The following CHODL variants were observed in gnomAD, a reference collection of about 807,000 sequenced individuals.
CHODL encodes transmembrane protein MT75.
In CHODL, 29 loss-of-function variants were observed where a neutral mutation model predicts 34.5. The ratio of observed to expected loss-of-function variants is 0.84; its 90% CI spans 0.63 to 1.15. The LOEUF is 1.15. Among genes scored for constraint, CHODL ranks in the 50% most tolerant of loss-of-function variants. CHODL has a pLI of 0.00. For synonymous variants in CHODL, 125 were observed against 116.1 expected, an observed-to-expected ratio of 1.08 and a Z score of -0.49; for missense variants, 332 against 332.5, an observed-to-expected ratio of 1.00 and a Z score of 0.01.
chr21:18,031,136 A>G (rs3848850), intron 2 of CHODL, among the ~76,000 whole-genome samples: 2,407 of 152,190 alleles, frequency 0.016, 144 homozygotes, highest in East Asian at 0.14. Context: ...TGGTCTGGCA[A>G]TATCTAGGAA....
At chr21:18,254,688 C>T (rs988041476) in intron 1 of CHODL, among the ~76,000 whole-genome samples, 19 of 151,870 alleles carry the variant, frequency 1.3e-4, no homozygotes, top group Non-Finnish European at 2.4e-4. Flanking sequence ...ATATCCTTGA[C>T]ATCAATCTAT....
intron 2 of CHODL, among the ~76,000 whole-genome samples, chr21:18,189,349 C>A (rs964569339): frequency 3.9e-5 from 6 of 152,140 alleles, no homozygotes; most frequent in Non-Finnish European, 7.4e-5. Context: ...TTTAAAAAAT[C>A]ATTTTTTTGA....
intron 2 of CHODL, among the ~76,000 whole-genome samples, chr21:18,130,761 TTCG>T (rs1230959102): frequency 1.3e-5 from 2 of 152,258 alleles, no homozygotes; most frequent in Non-Finnish European, 1.5e-5. Context: ...TTTTCCATTA[TTCG>T]AAATCGATAG....
Position 18,109,229 on chromosome 21 carries a change from T to C in CHODL, c.-45+81258T>C, listed in dbSNP as rs374097272. On this transcript the variant is annotated intron_variant, in intron 2 of 6. Transcript: ENST00000400127. ...CTCAATCTCCTTAATATTTGGGAAT[T>C]GCCCACCTCAAAAGTTATGGTAGAG... Among the ~76,000 whole-genome samples the C allele has an allele frequency of 1.4e-3, 219 of 152,304 alleles. 5 individuals are homozygous for C. Among genetic ancestry groups the C allele is most frequent in the African/African-American group, 4.8e-3 (200 of 41,566 alleles).
At chr21:17,974,781 A>G (rs1035529049) in intron 1 of CHODL, among the ~76,000 whole-genome samples, 4 of 151,740 alleles carry the variant, frequency 2.6e-5, no homozygotes, top group Admixed American at 6.6e-5. Flanking sequence ...TGCAAAACAA[A>G]ACATCTTTAA....
chr21:18,090,675 A>G (rs567311000), intron 2 of CHODL, among the ~76,000 whole-genome samples: 1 of 151,670 alleles, frequency 6.6e-6, no homozygotes, highest in East Asian at 1.9e-4. Flanking sequence ...AAAATAAAAA[A>G]ATGTAGAGTA....
At chr21:18,055,453 A>G (rs1461570265) in intron 2 of CHODL, among the ~76,000 whole-genome samples, 1 of 152,024 alleles carries the variant, frequency 6.6e-6, no homozygotes, top group Non-Finnish European at 1.5e-5. Flanking sequence ...ATCTTCCACT[A>G]CTACAAAAAG....
chr21:18,235,530 A>C (rs2146762365), intron 2 of CHODL, among the ~76,000 whole-genome samples: 1 of 152,232 alleles, frequency 6.6e-6, no homozygotes, highest in South Asian at 2.1e-4. Context: ...TCAGTGAAGT[A>C]ATTCCTGTTA....
chr21:18,164,794 C>T (rs1376875279), intron 2 of CHODL, among the ~76,000 whole-genome samples: 4 of 152,068 alleles, frequency 2.6e-5, no homozygotes, highest in African/African-American at 4.8e-5. Context: ...ACAAAACTGT[C>T]GATTACCCCA....
At chr21:18,196,021 A>C (rs1160566106) in intron 2 of CHODL, among the ~76,000 whole-genome samples, 1 of 152,194 alleles carries the variant, frequency 6.6e-6, no homozygotes, top group Non-Finnish European at 1.5e-5. Context: ...TCATCACCTT[A>C]GTTTCCTCGT....
chr21:18,177,289 G>T (rs1416717370), intron 2 of CHODL, among the ~76,000 whole-genome samples: 1 of 151,962 alleles, frequency 6.6e-6, no homozygotes, highest in Non-Finnish European at 1.5e-5. Flanking sequence ...TAGTAAACAG[G>T]TTGAAAAAGT....
chr21:18,105,176 A>G (rs1490180350), intron 2 of CHODL, among the ~76,000 whole-genome samples: 4 of 152,226 alleles, frequency 2.6e-5, no homozygotes, highest in Non-Finnish European at 5.9e-5. Flanking sequence ...AAGTAGTGAT[A>G]TAAAGAATCA....
At chr21:17,942,254 C>G (rs2063370655) in intron 1 of CHODL, among the ~76,000 whole-genome samples, 1 of 152,186 alleles carries the variant, frequency 6.6e-6, no homozygotes, top group East Asian at 1.9e-4. Context: ...CCACTCAAAT[C>G]TCATCTTGAA....
At chr21:18,156,075 G>A (rs148119369) in intron 2 of CHODL, among the ~76,000 whole-genome samples, 54 of 152,276 alleles carry the variant, frequency 3.5e-4, no homozygotes, top group East Asian at 1.7e-3. Context: ...ATGACCTGAC[G>A]TATTTCTTTT....
At position 18,154,937 on chromosome 21, in the gene CHODL, G is replaced by A. The variant is rs899269919; in HGVS notation, c.-44-101572G>A. Among the ~76,000 whole-genome samples the A allele has an allele frequency of 4.6e-5, 7 of 152,164 alleles. No homozygotes were observed. The South Asian group carries it at 1.4e-3, about 32-fold the overall frequency. ...GTATCTGGGAAGGCTGAGAGAAGCAGATGGAATAATAATAGTGGACAGGCA... is the reference window on the plus strand; with the variant it reads ...GTATCTGGGAAGGCTGAGAGAAGCAAATGGAATAATAATAGTGGACAGGCA... On this transcript the variant is annotated intron_variant, in intron 2 of 6. Coordinates refer to the CHODL transcript ENST00000400127.
chr21:17,986,384 A>G (rs1416571107), intron 1 of CHODL, among the ~76,000 whole-genome samples: 1 of 151,688 alleles, frequency 6.6e-6, no homozygotes, highest in Non-Finnish European at 1.5e-5. Context: ...CTCATTGTTC[A>G]ACTCCCACTT....
At chr21:18,017,235 C>T (rs1224175059) in intron 1 of CHODL, among the ~76,000 whole-genome samples, 1 of 152,160 alleles carries the variant, frequency 6.6e-6, no homozygotes, top group African/African-American at 2.4e-5. Flanking sequence ...CTCTGTGTCC[C>T]TACTCAAATC....
chr21:18,001,415 A>T (rs2063904819), intron 1 of CHODL, among the ~76,000 whole-genome samples: 1 of 152,214 alleles, frequency 6.6e-6, no homozygotes, highest in African/African-American at 2.4e-5. Context: ...AAGGGCCCAC[A>T]GGGCTCTAGA....
At chr21:18,101,469 T>C (rs929612984) in intron 2 of CHODL, among the ~76,000 whole-genome samples, 5 of 152,198 alleles carry the variant, frequency 3.3e-5, no homozygotes, top group African/African-American at 1.2e-4. Context: ...ATTTTCTTAT[T>C]CCTATCCTTA....
Sources: gnomAD v4.1 joint callset for allele counts (sites outside exome capture counted in the v4.1 genomes callset) on GRCh38, gnomAD v4.1.1 for gene constraint, MANE v1.5 for transcripts, NCBI Gene and HGNC (gene_info 2026-07-23, HGNC 2026-07-21) for gene names.